SYNDIG1: variants seen among roughly 807,000 people sequenced by gnomAD.
The protein encoded by SYNDIG1 is synapse differentiation inducing 1, also known as synapse differentiation-inducing gene protein 1.
Under a neutral mutation model 19.4 loss-of-function variants are expected in SYNDIG1, and 9 were observed. The observed-to-expected ratio is 0.46, with a 90% CI of 0.28 to 0.81. The LOEUF is 0.81. Ranked by LOEUF, SYNDIG1 falls within the 30% of genes least tolerant of loss-of-function variation. The pLI is 0.12. For synonymous variants in SYNDIG1, 141 were observed against 145.9 expected (o/e 0.97, Z 0.24); for missense variants, 311 against 343.3 (o/e 0.91, Z 0.74).
chr20:24,565,817 C>T (rs1288181208), intron 2 of SYNDIG1, among the ~76,000 whole-genome samples: 1 of 152,146 alleles, frequency 6.6e-6, no homozygotes, highest in Non-Finnish European at 1.5e-5. Flanking sequence ...ACTCCATGGG[C>T]TTTCCTGTCT....
At chr20:24,542,625 T>C (rs1431633105) in intron 1 of SYNDIG1, among the ~76,000 whole-genome samples, 2 of 152,258 alleles carry the variant, frequency 1.3e-5, no homozygotes, top group Non-Finnish European at 2.9e-5. Context: ...GCCATGTACC[T>C]GGGAAGAGCT....
intron 3 of SYNDIG1, among the ~76,000 whole-genome samples, chr20:24,611,326 C>G (rs532184099): frequency 1.3e-3 from 200 of 152,276 alleles, no homozygotes; most frequent in African/African-American, 4.5e-3. Flanking sequence ...TCATACCTCC[C>G]TTTTCTCTTG....
At chr20:24,486,934 G>T (rs2055982259) in intron 1 of SYNDIG1, among the ~76,000 whole-genome samples, 1 of 152,162 alleles carries the variant, frequency 6.6e-6, no homozygotes, top group Non-Finnish European at 1.5e-5. Flanking sequence ...TGGGATTACA[G>T]GTGTGAGCCG....
chr20:24,563,160 T>C (rs1048744629), intron 2 of SYNDIG1, among the ~76,000 whole-genome samples: 4 of 152,208 alleles, frequency 2.6e-5, no homozygotes, highest in African/African-American at 9.6e-5. Context: ...GTAGATGTGT[T>C]CGATGGCTTA....
chr20:24,584,884 A>G lies in SYNDIG1; in HGVS notation c.509A>G (p.Glu170Gly), dbSNP rs1181018597. 1 of 1,613,966 alleles carries G rather than the reference A, an allele frequency of 6.2e-7. No homozygotes were observed. Among genetic ancestry groups the G allele is most frequent in the African/African-American group, 1.3e-5 (1 of 74,902 alleles). ...ESDYSSDTES[E>G]DNFLMMPPRD... ...GACTACTCAAGCGACACAGAGAGTGAGGACAATTTCCTCATGATGCCCCCG... is the reference window on the plus strand; with the variant it reads ...GACTACTCAAGCGACACAGAGAGTGGGGACAATTTCCTCATGATGCCCCCG... The change falls in exon 3 of 4, where the codon GAG becomes GGG. Residue 170 changes from glutamate (E) to glycine (G), a missense_variant. Coordinates refer to ENST00000376862, the MANE Select transcript of SYNDIG1 (RefSeq NM_024893.3).
At chr20:24,646,995 C>A (rs2059428480) in intron 3 of SYNDIG1, among the ~76,000 whole-genome samples, 1 of 152,148 alleles carries the variant, frequency 6.6e-6, no homozygotes. Flanking sequence ...AACTATTCAG[C>A]CTCAGGTATT....
At chr20:24,552,413 C>T (rs916474038) in intron 2 of SYNDIG1, among the ~76,000 whole-genome samples, 2 of 152,092 alleles carry the variant, frequency 1.3e-5, no homozygotes, top group South Asian at 2.1e-4. Flanking sequence ...CCCATTAACT[C>T]GTCATTTAGC....
intron 3 of SYNDIG1, among the ~76,000 whole-genome samples, chr20:24,634,211 A>G (rs2059290305): frequency 6.6e-6 from 1 of 152,222 alleles, no homozygotes; most frequent in Non-Finnish European, 1.5e-5. Flanking sequence ...TCAAAGTGCA[A>G]TGCAGCTTGC....
chr20:24,478,791 C>T (rs2055707878), intron 1 of SYNDIG1, among the ~76,000 whole-genome samples: 1 of 152,218 alleles, frequency 6.6e-6, no homozygotes. Context: ...GAGTCATGCA[C>T]TTAGAAAAGT....
intron 3 of SYNDIG1, among the ~76,000 whole-genome samples, chr20:24,652,602 C>T (rs1325370063): frequency 6.6e-6 from 1 of 152,210 alleles, no homozygotes; most frequent in Non-Finnish European, 1.5e-5. Flanking sequence ...GGAAACATGA[C>T]AAAGCAATTG....
intron 3 of SYNDIG1, among the ~76,000 whole-genome samples, chr20:24,648,970 C>G (rs765128399): frequency 5.3e-5 from 8 of 152,132 alleles, no homozygotes; most frequent in African/African-American, 1.9e-4. Flanking sequence ...GTGCAAGGTG[C>G]GATGTTAAGT....
chr20:24,532,246 C>A (rs149789748), intron 1 of SYNDIG1, among the ~76,000 whole-genome samples: 357 of 152,294 alleles, frequency 2.3e-3, no homozygotes, highest in Middle Eastern at 0.01. Flanking sequence ...TTTCCCCCCA[C>A]AATGAAAGCA....
chr20:24,522,208 C>T (rs1462325057), intron 1 of SYNDIG1, among the ~76,000 whole-genome samples: 2 of 152,102 alleles, frequency 1.3e-5, no homozygotes, highest in Non-Finnish European at 2.9e-5. Context: ...AGCTTCCTGC[C>T]TTAGTCTCCC....
At chr20:24,510,581 AAAAAG>A in intron 1 of SYNDIG1, among the ~76,000 whole-genome samples, 1 of 151,910 alleles carries the variant, frequency 6.6e-6, no homozygotes. Flanking sequence ...AAAAAAAAAA[AAAAAG>A]AAAAGAAATA....
intron 3 of SYNDIG1, among the ~76,000 whole-genome samples, chr20:24,653,849 C>T (rs935592020): frequency 1.3e-5 from 2 of 152,232 alleles, no homozygotes; most frequent in African/African-American, 4.8e-5. Flanking sequence ...GGTCATCCCT[C>T]GGTGTGGTCT....
At chr20:24,652,978 A>T (rs2059487873) in intron 3 of SYNDIG1, among the ~76,000 whole-genome samples, 1 of 152,072 alleles carries the variant, frequency 6.6e-6, no homozygotes, top group African/African-American at 2.4e-5. Flanking sequence ...CACTTCTGGG[A>T]TCACCTCCAA....
chr20:24,491,013 C>T (rs1168168662), intron 1 of SYNDIG1, among the ~76,000 whole-genome samples: 2 of 152,164 alleles, frequency 1.3e-5, no homozygotes, highest in South Asian at 2.1e-4. Flanking sequence ...TGGAGCTCCT[C>T]GTGCGTCTGG....
intron 1 of SYNDIG1, among the ~76,000 whole-genome samples, chr20:24,517,724 G>A (rs958682598): frequency 2.8e-5 from 4 of 142,616 alleles, no homozygotes; most frequent in African/African-American, 1.0e-4. Flanking sequence ...ATATGTGTAT[G>A]TATATATATT....
At chr20:24,548,260 T>C (rs184456779) in intron 2 of SYNDIG1, among the ~76,000 whole-genome samples, 40 of 152,292 alleles carry the variant, frequency 2.6e-4, no homozygotes, top group Middle Eastern at 3.4e-3. Flanking sequence ...ATGCTGTTCT[T>C]TCTACATTAG....
Sources: gnomAD v4.1 joint callset for allele counts (sites outside exome capture counted in the v4.1 genomes callset) on GRCh38, gnomAD v4.1.1 for gene constraint, MANE v1.5 for transcripts, NCBI Gene and HGNC (gene_info 2026-07-23, HGNC 2026-07-21) for gene names.